PIP5K1B: variants seen among roughly 807,000 people sequenced by gnomAD.
The protein encoded by PIP5K1B is phosphatidylinositol-4-phosphate 5-kinase type 1 beta, also known as phosphatidylinositol 4-phosphate 5-kinase type-1 beta.
PIP5K1B carries 42 observed loss-of-function variants against 67.0 expected under a neutral mutation model. The observed-to-expected ratio is 0.63, with a 90% CI of 0.49 to 0.81. The LOEUF is 0.81. Among genes scored for constraint, PIP5K1B ranks in the 30% least tolerant of loss-of-function variants. PIP5K1B has a pLI of 0.00. For synonymous variants in PIP5K1B, 214 were observed against 231.4 expected (o/e 0.92, Z 0.68); for missense variants, 459 against 646.3 (o/e 0.71, Z 3.14).
chr9:68,965,889 G>A (rs531600562), intron 14 of PIP5K1B, among the ~76,000 whole-genome samples: 31 of 150,270 alleles, frequency 2.1e-4, no homozygotes, highest in Middle Eastern at 3.5e-3. Flanking sequence ...CAGGAGAATC[G>A]CTTGAACCCA....
intron 1 of PIP5K1B, among the ~76,000 whole-genome samples, chr9:68,713,043 C>G (rs1422919604): frequency 6.6e-6 from 1 of 152,200 alleles, no homozygotes; most frequent in African/African-American, 2.4e-5. Flanking sequence ...GAAGCCAGGG[C>G]AGTGACTCTG....
At chr9:68,917,783 C>A in intron 9 of PIP5K1B, 24 bp downstream of exon 9, 1 of 1,564,718 alleles carries the variant, frequency 6.4e-7, no homozygotes, top group Non-Finnish European at 8.8e-7. Flanking sequence ...CACACCTACC[C>A]ACCCTCTTGA....
At chr9:68,745,975 C>T (rs1374422121) in intron 2 of PIP5K1B, among the ~76,000 whole-genome samples, 2 of 151,872 alleles carry the variant, frequency 1.3e-5, no homozygotes, top group South Asian at 2.1e-4. Context: ...AACCAGTGCT[C>T]ACTAAATATA....
chr9:68,824,690 T>A (rs1833895279), intron 4 of PIP5K1B, among the ~76,000 whole-genome samples: 1 of 152,154 alleles, frequency 6.6e-6, no homozygotes, highest in African/African-American at 2.4e-5. Context: ...ATAAATATGG[T>A]ATTGATATGA....
In PIP5K1B at chr9:68,953,362, G is replaced by A. The variant is rs1828194682; in HGVS notation, c.1502+12572G>A. On this transcript the variant is annotated intron_variant, in intron 14 of 15. Transcript: ENST00000265382. Reference sequence around the variant, plus strand: ...TGAAGATATTAGGATTATGTTTTTTGTTTTGCCCTGAATTTTGTTTCTTCT... The same window carrying A: ...TGAAGATATTAGGATTATGTTTTTTATTTTGCCCTGAATTTTGTTTCTTCT... Among the ~76,000 whole-genome samples, 3 of 151,026 alleles carry A rather than the reference G, an allele frequency of 2.0e-5. No homozygotes were observed. The South Asian group carries it at 6.3e-4, about 32-fold the overall frequency.
At chr9:68,920,913 T>C (rs1347984708) in intron 11 of PIP5K1B, among the ~76,000 whole-genome samples, 1 of 152,168 alleles carries the variant, frequency 6.6e-6, no homozygotes, top group East Asian at 1.9e-4. Context: ...GAAGTAGCAA[T>C]TCCAAAGAAT....
At chr9:68,825,103 A>G (rs190268201) in intron 4 of PIP5K1B, among the ~76,000 whole-genome samples, 3 of 152,356 alleles carry the variant, frequency 2.0e-5, no homozygotes, top group South Asian at 4.1e-4. Flanking sequence ...GAGAAGAAAC[A>G]TATCTTTTAC....
intron 4 of PIP5K1B, among the ~76,000 whole-genome samples, chr9:68,847,234 G>C (rs1822236779): frequency 6.6e-6 from 1 of 151,336 alleles, no homozygotes; most frequent in South Asian, 2.1e-4. Context: ...GAGGTCAGTT[G>C]GTGGGATGAA....
chr9:68,971,497 A>G (rs1161474636), intron 14 of PIP5K1B, among the ~76,000 whole-genome samples: 1 of 152,096 alleles, frequency 6.6e-6, no homozygotes, highest in African/African-American at 2.4e-5. Context: ...TATAATCCTT[A>G]TGGTATATAC....
At chr9:68,938,764 C>T (rs115088106) in intron 13 of PIP5K1B, among the ~76,000 whole-genome samples, 3,219 of 152,168 alleles carry the variant, frequency 0.021, 86 homozygotes, top group African/African-American at 0.064. Context: ...GAGATCCCTG[C>T]TTCTTTGCTG....
At chr9:68,977,084 T>C (rs2132864083) in intron 14 of PIP5K1B, among the ~76,000 whole-genome samples, 1 of 152,350 alleles carries the variant, frequency 6.6e-6, no homozygotes, top group Middle Eastern at 3.4e-3. Context: ...CTCTGGGATC[T>C]ACCTAAATAT....
chr9:68,825,753 A>C (rs148155730), intron 4 of PIP5K1B, among the ~76,000 whole-genome samples: 1 of 152,314 alleles, frequency 6.6e-6, no homozygotes, highest in Non-Finnish European at 1.5e-5. Flanking sequence ...GCAAGACATG[A>C]AAACAGTTTT....
chr9:68,813,197 A>G (rs1833259885), intron 2 of PIP5K1B, among the ~76,000 whole-genome samples: 1 of 152,230 alleles, frequency 6.6e-6, no homozygotes, highest in Non-Finnish European at 1.5e-5. Context: ...CTGAGAATTG[A>G]ATCAGGACAT....
intron 4 of PIP5K1B, among the ~76,000 whole-genome samples, chr9:68,844,561 G>A (rs181536649): frequency 1.3e-5 from 2 of 152,118 alleles, no homozygotes; most frequent in East Asian, 1.9e-4. Context: ...AAAGATGTCC[G>A]AGTCTGGTGG....
chr9:68,970,133 A>C (rs1450003188), intron 14 of PIP5K1B, among the ~76,000 whole-genome samples: 1 of 152,194 alleles, frequency 6.6e-6, no homozygotes, highest in Non-Finnish European at 1.5e-5. Flanking sequence ...TAGTTCCTCA[A>C]CTCTGAATCC....
Position 68,869,520 on chromosome 9 carries a change from G to A in PIP5K1B, c.200+5553G>A, listed in dbSNP as rs180710710. Among the ~76,000 whole-genome samples the A allele has an allele frequency of 4.0e-4, 61 of 152,284 alleles. 1 individual carries two copies. In the East Asian group the frequency reaches 0.011, roughly 28 times the overall value. On this transcript the variant is annotated intron_variant, in intron 5 of 15. Transcript: ENST00000265382. ...TACAACAGCCCATGGGACAGGCCCC[G>A]CTAACTGCCCGTTTTTGTAAATAAG...
At chr9:68,825,008 A>C (rs1269731051) in intron 4 of PIP5K1B, among the ~76,000 whole-genome samples, 1 of 152,236 alleles carries the variant, frequency 6.6e-6, no homozygotes, top group African/African-American at 2.4e-5. Flanking sequence ...GGAAGAGTAC[A>C]TTCTGGAAAC....
At chr9:68,840,128 G>A (rs1821842006) in intron 4 of PIP5K1B, among the ~76,000 whole-genome samples, 1 of 152,222 alleles carries the variant, frequency 6.6e-6, no homozygotes, top group African/African-American at 2.4e-5. Context: ...TGTAATCCCA[G>A]CACGTTGGGA....
chr9:68,896,457 T>G (rs1306598811), intron 8 of PIP5K1B, among the ~76,000 whole-genome samples: 1 of 152,246 alleles, frequency 6.6e-6, no homozygotes, highest in Non-Finnish European at 1.5e-5. Context: ...AAACTTTTCA[T>G]CACAAGTGAG....
Sources: gnomAD v4.1 joint callset for allele counts (sites outside exome capture counted in the v4.1 genomes callset) on GRCh38, gnomAD v4.1.1 for gene constraint, MANE v1.5 for transcripts, NCBI Gene and HGNC (gene_info 2026-07-23, HGNC 2026-07-21) for gene names.